The following PPM1G variants were observed in gnomAD, a reference collection of about 807,000 sequenced individuals.
The protein encoded by PPM1G is protein phosphatase, Mg2+/Mn2+ dependent 1G, also known as protein phosphatase 1G.
PPM1G carries 12 observed loss-of-function variants against 59.4 expected under a neutral mutation model. The observed-to-expected ratio is 0.20, with a 90% CI of 0.13 to 0.33. The LOEUF (loss-of-function observed/expected upper bound fraction) is 0.33. Ranked by LOEUF, PPM1G falls within the 10% of genes least tolerant of loss-of-function variation. The pLI, the probability that PPM1G is intolerant of heterozygous loss-of-function variation, is 1.00. For missense variants in PPM1G, 392 were observed against 681.3 expected (o/e 0.58, Z 4.73); for synonymous variants, 245 against 251.9 (o/e 0.97, Z 0.26).
intron 1 of PPM1G, among the ~76,000 whole-genome samples, chr2:27,395,091 C>G (rs527534736): frequency 6.6e-6 from 1 of 150,604 alleles, no homozygotes. Flanking sequence ...ATTAGCTGGG[C>G]GTGGTGGTGC....
At chr2:27,402,707 CT>C (rs1684208402) in intron 1 of PPM1G, among the ~76,000 whole-genome samples, 1 of 151,346 alleles carries the variant, frequency 6.6e-6, no homozygotes, top group Non-Finnish European at 1.5e-5. Flanking sequence ...ACGCGGGAGG[CT>C]GAGGCAGGAG....
chr2:27,387,051 G>T (rs765445879), intron 2 of PPM1G, 38 bp downstream of exon 2: 2 of 1,508,796 alleles, frequency 1.3e-6, no homozygotes, highest in South Asian at 1.1e-5. Flanking sequence ...CTGGAATTGG[G>T]GTCCTAGAAT....
intron 1 of PPM1G, among the ~76,000 whole-genome samples, chr2:27,402,063 T>C (rs965734570): frequency 1.3e-5 from 2 of 152,048 alleles, no homozygotes; most frequent in African/African-American, 2.4e-5. Flanking sequence ...GGAACCTGTA[T>C]ACACATTTTC....
rs760428968 is a variant in PPM1G at position 27,384,752 on chromosome 2, G to A, written c.746C>T (p.Pro249Leu). Residue 249 changes from proline to leucine, a missense_variant, in exon 5 of 10, where the codon CCT becomes CTT. Physicochemically the swap from Pro to Leu is moderately conservative, Grantham distance 98. Coordinates refer to ENST00000344034, the MANE Select transcript of PPM1G (RefSeq NM_177983.3). The surrounding 1 kb of genome is among the most constrained non-coding windows in gnomAD (Gnocchi z 4.8). ...PSCSSASDKLPRVAKSKFFED... is the reference protein window; with the variant it reads ...PSCSSASDKLLRVAKSKFFED... ...AAAGAACTTGGACTTAGCAACTCGA[G>A]GCAGCTTGTCAGAGGCTGAAGAGCA... 8.7e-6 allele frequency: 14 copies of A among 1,614,084 alleles called. No individual in the cohort carries two copies. The highest frequency in any genetic ancestry group is 1.6e-4 in the Middle Eastern group (1 of 6,084).
intron 1 of PPM1G, among the ~76,000 whole-genome samples, chr2:27,391,341 C>T (rs574230915): frequency 1.4e-5 from 2 of 146,252 alleles, no homozygotes; most frequent in East Asian, 1.9e-4. Flanking sequence ...GCCTCACCAA[C>T]GTTTCTCATT....
intron 1 of PPM1G, among the ~76,000 whole-genome samples, chr2:27,391,959 T>A (rs1284576468): frequency 1.3e-5 from 2 of 151,956 alleles, no homozygotes; most frequent in African/African-American, 4.8e-5. Context: ...CTCGATCTCC[T>A]GGACCTCGTG....
intron 1 of PPM1G, chr2:27,392,715 C>G (rs1405167165): frequency 3.2e-6 from 3 of 923,604 alleles, no homozygotes; most frequent in African/African-American, 1.6e-5. Context: ...AAAGGAAACC[C>G]CAACATACAT....
At chr2:27,388,565 CA>C (rs1378425981) in intron 1 of PPM1G, among the ~76,000 whole-genome samples, 1 of 151,880 alleles carries the variant, frequency 6.6e-6, no homozygotes, top group Non-Finnish European at 1.5e-5. Context: ...TGGTTAAAAG[CA>C]AAAAGTTAAA....
Position 27,382,622 on chromosome 2 carries a change from G to A in PPM1G, c.1202-17C>T. ...AGTGGTCCCCTGGAGTAAAGGAATGGTTGATGAGCAGTTTGGATACTTCCC... is the reference window on the plus strand; with the variant it reads ...AGTGGTCCCCTGGAGTAAAGGAATGATTGATGAGCAGTTTGGATACTTCCC... On this transcript the variant is annotated splice_polypyrimidine_tract_variant and intron_variant, in intron 7 of 9. Transcript: ENST00000344034. The surrounding 1 kb of genome is among the most constrained non-coding windows in gnomAD (Gnocchi z 4.2). The A allele has an allele frequency of 1.2e-6, 2 of 1,613,994 alleles. No individual in the cohort carries two copies. The highest frequency in any genetic ancestry group is 1.7e-6 in the Non-Finnish European group (2 of 1,179,912).
intron 1 of PPM1G, among the ~76,000 whole-genome samples, chr2:27,406,414 T>C (rs935989039): frequency 1.3e-5 from 2 of 152,166 alleles, no homozygotes; most frequent in Non-Finnish European, 2.9e-5. Context: ...TGAAGCAGAA[T>C]AGGATCCCAA....
At chr2:27,409,161 G>A in intron 1 of PPM1G, 142 bp downstream of exon 1, 3 of 1,249,304 alleles carry the variant, frequency 2.4e-6, no homozygotes, top group Non-Finnish European at 3.2e-6. Flanking sequence ...TGACCCCGCG[G>A]TCTCTGTCGC....
chr2:27,381,289 T>TA lies in PPM1G; in HGVS notation c.*309dup, dbSNP rs200885263. 3.8e-4 allele frequency: 163 copies of TA among 431,984 alleles called. 1 individual carries two copies. In the East Asian group the frequency reaches 6.4e-3, roughly 17 times the overall value. 26.8% of individuals were successfully genotyped at this position (431,984 alleles called of 1,614,324 possible). On this transcript the variant is annotated 3_prime_UTR_variant, in exon 10 of 10. Coordinates refer to ENST00000344034, the MANE Select transcript of PPM1G (RefSeq NM_177983.3). The stretch of plus-strand genomic sequence containing the variant: ...CGGCCGAGGGCCATGGAGCCGCCAA[T>TA]AAAAAAGAATGTCCTTAAATAAAGT...
At position 27,381,796 on chromosome 2, in the gene PPM1G, G is replaced by T; in HGVS notation, c.1444C>A (p.Gln482Lys). Reference sequence around the variant, plus strand: ...CCAGAAGTGTCTGGTGCCAGGCACTGATCCAGCAGCTAAGAAAGGGATGGG... The same window carrying T: ...CCAGAAGTGTCTGGTGCCAGGCACTTATCCAGCAGCTAAGAAAGGGATGGG... The part of the protein sequence containing the change: ...LSSIVEELLD[Q>K]CLAPDTSGDG... The change falls in exon 10 of 10, where the codon CAG (glutamine) becomes AAG (lysine). Residue 482 changes from glutamine to lysine, a missense_variant. Around this residue, in one of 6 missense-constraint regions of PPM1G, gnomAD observed 29 missense variants for 38.9 expected, o/e 0.75. Transcript: ENST00000344034. 2 of 1,612,620 alleles carry T rather than the reference G, an allele frequency of 1.2e-6. No individual in the cohort carries two copies. The highest frequency in any genetic ancestry group is 1.7e-6 in the Non-Finnish European group (2 of 1,179,900).
rs1461641635 is a variant in PPM1G, at chr2:27,393,309, G to A, written c.121-6151C>T. ...CTCCAGGTTGATCTGGCGGTTGATG[G>A]CGGCCTCTGAGTCTTGGTGGTAGTT... is the stretch of plus-strand genomic sequence containing the variant. On this transcript the variant is annotated intron_variant, in intron 1 of 9. Transcript: ENST00000344034. 1.1e-5 allele frequency: 17 copies of A among 1,597,998 alleles called. No individual in the cohort carries two copies. In the East Asian group the frequency reaches 1.6e-4, roughly 15 times the overall value.
At chr2:27,386,529 A>C in intron 2 of PPM1G, 1 of 290,054 alleles carries the variant, frequency 3.4e-6, no homozygotes, top group South Asian at 5.6e-5. Context: ...CAGTGAAAAA[A>C]AGATAAAGAA....
At chr2:27,391,883 C>T (rs1246737808) in intron 1 of PPM1G, among the ~76,000 whole-genome samples, 3 of 151,864 alleles carry the variant, frequency 2.0e-5, no homozygotes, top group Admixed American at 6.6e-5. Context: ...AGGCACGCGC[C>T]GCCACGCCCA....
intron 1 of PPM1G, among the ~76,000 whole-genome samples, chr2:27,390,039 T>TTC (rs1003720319): frequency 8.6e-5 from 13 of 151,922 alleles, no homozygotes; most frequent in African/African-American, 3.1e-4. Context: ...GTTTTCTTTT[T>TTC]TTTTTGAGAT....
At chr2:27,398,653 C>T (rs1684108047) in intron 1 of PPM1G, among the ~76,000 whole-genome samples, 2 of 151,688 alleles carry the variant, frequency 1.3e-5, no homozygotes, top group Non-Finnish European at 2.9e-5. Context: ...GAAACCCCGT[C>T]TCTACTAAAA....
rs1169147811 is a variant in PPM1G, at chr2:27,383,111, C to T, written c.1201+255G>A. 6.6e-6 allele frequency among the ~76,000 whole-genome samples: 1 copy of T among 152,064 alleles called. No individual in the cohort carries two copies. Among genetic ancestry groups the T allele is most frequent in the African/African-American group, 2.4e-5 (1 of 41,396 alleles). ...TCAGCCTCCCAAAGTGCTGGGATTA[C>T]AGGCGTGAGCCACCACGCCCGGCAC... On this transcript the variant is annotated intron_variant, in intron 7 of 9. Transcript: ENST00000344034. This position sits in a 1 kb window ranked among gnomAD's most constrained non-coding sequence, Gnocchi z 5.0.
Sources: allele counts gnomAD v4.1 joint callset (sites outside exome capture counted in the v4.1 genomes callset), GRCh38; gene constraint gnomAD v4.1.1; regional missense constraint gnomAD v4.1.1; non-coding constraint Gnocchi (gnomAD v3.1); transcripts MANE v1.5; gene names NCBI Gene and HGNC (gene_info 2026-07-23, HGNC 2026-07-21).